STAU2: variants seen among roughly 807,000 people sequenced by gnomAD.
STAU2 encodes staufen double-stranded RNA binding protein 2, also known as double-stranded RNA-binding protein Staufen homolog 2.
In STAU2, 20 loss-of-function variants were observed where a neutral mutation model predicts 65.9. The ratio of observed to expected loss-of-function variants is 0.30; its 90% CI spans 0.21 to 0.44. The LOEUF is 0.44. Among genes scored for constraint, STAU2 ranks in the 20% least tolerant of loss-of-function variants. The pLI is 1.00. For synonymous variants in STAU2, 232 were observed against 233.9 expected (o/e 0.99, Z 0.07); for missense variants, 558 against 683.9 (o/e 0.82, Z 2.05).
chr8:73,488,702 AG>A (rs1821031297), intron 13 of STAU2, among the ~76,000 whole-genome samples: 2 of 150,962 alleles, frequency 1.3e-5, no homozygotes, highest in South Asian at 2.1e-4. Context: ...AAAAAAAAAA[AG>A]CTATACCAGA....
chr8:73,535,720 C>T (rs903980627), intron 13 of STAU2, among the ~76,000 whole-genome samples: 13 of 152,250 alleles, frequency 8.5e-5, no homozygotes, highest in East Asian at 3.9e-4. Flanking sequence ...CCACATTAAA[C>T]GGCAGAGGGC....
chr8:73,575,388 T>C (rs1408899477), intron 12 of STAU2, among the ~76,000 whole-genome samples: 3 of 152,184 alleles, frequency 2.0e-5, no homozygotes, highest in Non-Finnish European at 4.4e-5. Context: ...CCTACACTGA[T>C]GGTAGAGACG....
rs550419207 is a variant in STAU2 at position 73,565,224 on chromosome 8, G to A, written c.1223-12905C>T. Reference sequence around the variant, plus strand: ...GGGAGGTGATTGAATCATGGGGGCAGACTTCCCCCTTGCTGTTCTCCTGAT... The same window carrying A: ...GGGAGGTGATTGAATCATGGGGGCAAACTTCCCCCTTGCTGTTCTCCTGAT... On this transcript the variant is annotated intron_variant, in intron 12 of 14. Coordinates refer to ENST00000524300, the MANE Select transcript of STAU2 (RefSeq NM_001164380.2). 1.2e-4 allele frequency among the ~76,000 whole-genome samples: 18 copies of A among 152,264 alleles called. No individual in the cohort carries two copies. In the East Asian group the frequency reaches 3.5e-3, roughly 29 times the overall value.
At chr8:73,746,931 G>T (rs1202807172), upstream of STAU2, 1 of 906,182 alleles carries the variant, frequency 1.1e-6, no homozygotes, top group Non-Finnish European at 1.3e-6. Context: ...CGCTCCCGCC[G>T]CGCCCTCCCG....
intron 13 of STAU2, among the ~76,000 whole-genome samples, chr8:73,441,942 A>T (rs879849117): frequency 1.3e-5 from 2 of 152,194 alleles, no homozygotes; most frequent in African/African-American, 2.4e-5. Flanking sequence ...TATTTTTTTT[A>T]AACTAACACA....
intron 6 of STAU2, among the ~76,000 whole-genome samples, chr8:73,666,991 C>T (rs1225277035): frequency 6.6e-6 from 1 of 152,146 alleles, no homozygotes; most frequent in East Asian, 1.9e-4. Context: ...ACTTCGTAGG[C>T]AATTTAAATG....
intron 6 of STAU2, among the ~76,000 whole-genome samples, chr8:73,628,955 A>G (rs578121921): frequency 3.3e-5 from 5 of 152,334 alleles, no homozygotes; most frequent in African/African-American, 1.2e-4. Flanking sequence ...ACATACTCCC[A>G]AAAGTAACAT....
chr8:73,427,870 A>C (rs1816940214), intron 13 of STAU2, among the ~76,000 whole-genome samples: 1 of 152,282 alleles, frequency 6.6e-6, no homozygotes, highest in Non-Finnish European at 1.5e-5. Context: ...AATTATTGGC[A>C]TAAATTCTGA....
In STAU2 at chr8:73,738,292, T is replaced by C; in HGVS notation, c.-26A>G. The stretch of plus-strand genomic sequence containing the variant: ...CCTTAACACAAACTCACCTGATTTA[T>C]TTGAAGCATGTTAAGACAATATTGA... On this transcript the variant is annotated 5_prime_UTR_variant, in exon 3 of 15. Coordinates refer to ENST00000524300, the MANE Select transcript of STAU2 (RefSeq NM_001164380.2). 7 of 1,610,500 alleles carry C rather than the reference T, an allele frequency of 4.3e-6. No individual in the cohort carries two copies. The highest frequency in any genetic ancestry group is 5.9e-6 in the Non-Finnish European group (7 of 1,178,910).
chr8:73,721,172 C>T (rs1361357058), intron 3 of STAU2, among the ~76,000 whole-genome samples: 5 of 147,408 alleles, frequency 3.4e-5, no homozygotes, highest in African/African-American at 1.3e-4. Context: ...CATTTATAGT[C>T]CTAGATACTC....
chr8:73,664,313 C>T (rs1026099597), intron 6 of STAU2, among the ~76,000 whole-genome samples: 2 of 152,146 alleles, frequency 1.3e-5, no homozygotes, highest in Admixed American at 1.3e-4. Flanking sequence ...CATGAGCCAC[C>T]GTACCAGTCC....
At position 73,621,386 on chromosome 8, in the gene STAU2, T is replaced by C. The variant is rs1813220999; in HGVS notation, c.411-3935A>G. 2.0e-5 allele frequency among the ~76,000 whole-genome samples: 3 copies of C among 152,226 alleles called. 1 individual carries two copies. The highest frequency in any genetic ancestry group is 4.1e-4 in the South Asian group (2 of 4,826). On this transcript the variant is annotated intron_variant, in intron 6 of 14. Coordinates refer to ENST00000524300, the MANE Select transcript of STAU2 (RefSeq NM_001164380.2). ...CCAGCCATGCAGAACTGTCAGTCAA[T>C]TAAACCTCTTTTCTTTATAAATCAC...
chr8:73,550,957 T>C (rs544464822), intron 13 of STAU2: 2 of 985,504 alleles, frequency 2.0e-6, no homozygotes, highest in Admixed American at 1.2e-4. Flanking sequence ...ATGATCATTC[T>C]ACACAATACA....
At chr8:73,548,333 T>G (rs1807081762) in intron 13 of STAU2, among the ~76,000 whole-genome samples, 2 of 151,140 alleles carry the variant, frequency 1.3e-5, no homozygotes, top group Admixed American at 1.3e-4. Context: ...ATAGGAGAGA[T>G]AAGAATAAAT....
At chr8:73,571,863 C>G (rs1049012836) in intron 12 of STAU2, among the ~76,000 whole-genome samples, 3 of 152,192 alleles carry the variant, frequency 2.0e-5, no homozygotes, top group African/African-American at 7.2e-5. Context: ...CAAACACATT[C>G]AAAAGCTAGC....
chr8:73,536,056 AAT>A (rs1241373226), intron 13 of STAU2, among the ~76,000 whole-genome samples: 3 of 152,192 alleles, frequency 2.0e-5, no homozygotes, highest in African/African-American at 7.2e-5. Flanking sequence ...TTGAATTTAA[AAT>A]AGTTACATTT....
At chr8:73,609,656 TA>T (rs541920761) in intron 9 of STAU2, among the ~76,000 whole-genome samples, 2 of 150,874 alleles carry the variant, frequency 1.3e-5, no homozygotes, top group South Asian at 2.1e-4. Context: ...CTGTCTCAAT[TA>T]AAAAAAAATT....
chr8:73,628,562 C>T (rs1813859382), intron 6 of STAU2, among the ~76,000 whole-genome samples: 1 of 152,068 alleles, frequency 6.6e-6, no homozygotes, highest in South Asian at 2.1e-4. Flanking sequence ...ACTTTGAAAA[C>T]AACTAGTGTA....
chr8:73,700,105 T>A (rs1430603261), intron 4 of STAU2, among the ~76,000 whole-genome samples: 2 of 152,076 alleles, frequency 1.3e-5, no homozygotes, highest in East Asian at 3.9e-4. Context: ...AAAAAGCATC[T>A]GATAAAGTTC....
Sources: allele counts gnomAD v4.1 joint callset (sites outside exome capture counted in the v4.1 genomes callset), GRCh38; gene constraint gnomAD v4.1.1; transcripts MANE v1.5; gene names NCBI Gene and HGNC (gene_info 2026-07-23, HGNC 2026-07-21).